KCND2: variants seen among roughly 807,000 people sequenced by gnomAD.
The protein encoded by KCND2 is potassium voltage-gated channel subfamily D member 2, also known as A-type voltage-gated potassium channel KCND2.
KCND2 carries 16 observed loss-of-function variants against 54.4 expected under a neutral mutation model. That is an observed-to-expected ratio of 0.29 (90% CI 0.20 to 0.45). The LOEUF is 0.45. KCND2 is among the 20% of genes least tolerant of loss of function. KCND2 has a pLI of 1.00. For synonymous variants in KCND2, 317 were observed against 310.7 expected (o/e 1.02, Z -0.21); for missense variants, 486 against 824.2 (o/e 0.59, Z 5.02).
chr7:120,621,059 G>A (rs1163459091), intron 1 of KCND2, among the ~76,000 whole-genome samples: 1 of 151,928 alleles, frequency 6.6e-6, no homozygotes, highest in African/African-American at 2.4e-5. Context: ...TGGATCACGA[G>A]TTTAGGAGTT....
intron 1 of KCND2, among the ~76,000 whole-genome samples, chr7:120,502,324 G>C (rs964824245): frequency 2.0e-5 from 3 of 151,528 alleles, no homozygotes; most frequent in African/African-American, 7.3e-5. Context: ...TCATCCTTTT[G>C]TTAACTAAGA....
At chr7:120,475,404 A>G (rs1802519467) in intron 1 of KCND2, among the ~76,000 whole-genome samples, 2 of 152,202 alleles carry the variant, frequency 1.3e-5, no homozygotes, top group African/African-American at 4.8e-5. Flanking sequence ...ATCTTGCAAA[A>G]TGCTTACCTT....
At chr7:120,553,618 T>C (rs1792127585) in intron 1 of KCND2, among the ~76,000 whole-genome samples, 1 of 152,168 alleles carries the variant, frequency 6.6e-6, no homozygotes, top group South Asian at 2.1e-4. Flanking sequence ...CAGCTGCTGA[T>C]GAGGTTGATA....
At chr7:120,367,330 T>C (rs1272380047) in intron 1 of KCND2, among the ~76,000 whole-genome samples, 1 of 152,124 alleles carries the variant, frequency 6.6e-6, no homozygotes, top group African/African-American at 2.4e-5. Flanking sequence ...TGTTGTGTTC[T>C]GAGAAAAAGT....
intron 1 of KCND2, among the ~76,000 whole-genome samples, chr7:120,419,580 C>T (rs894677706): frequency 7.2e-5 from 11 of 152,086 alleles, no homozygotes; most frequent in African/African-American, 1.4e-4. Flanking sequence ...CATTTTGATT[C>T]ACAATGTGGG....
chr7:120,442,385 A>G (rs1801957610), intron 1 of KCND2, among the ~76,000 whole-genome samples: 1 of 152,092 alleles, frequency 6.6e-6, no homozygotes. Flanking sequence ...GATTATCTTA[A>G]GTTTGTGAAT....
rs1162646722 is a variant in KCND2, at chr7:120,273,497, G to A, written c.-1136G>A. The stretch of plus-strand genomic sequence containing the variant: ...GGCCCCGCAGTAAGTTGGCAGGAGC[G>A]AGTCCCCTCCGTTCTCGCCTCCCCC... On this transcript the variant is annotated 5_prime_UTR_variant, in exon 1 of 6. Coordinates refer to ENST00000331113, the MANE Select transcript of KCND2 (RefSeq NM_012281.3). 6.6e-6 allele frequency among the ~76,000 whole-genome samples: 1 copy of A among 151,546 alleles called. No individual in the cohort carries two copies. The highest frequency in any genetic ancestry group is 1.5e-5 in the Non-Finnish European group (1 of 67,844).
chr7:120,718,697 A>G (rs1487088392), intron 1 of KCND2, among the ~76,000 whole-genome samples: 1 of 152,162 alleles, frequency 6.6e-6, no homozygotes, highest in Non-Finnish European at 1.5e-5. Context: ...TACAGCACTT[A>G]AAAAAATAAT....
chr7:120,365,048 A>T (rs1800647129), intron 1 of KCND2, among the ~76,000 whole-genome samples: 1 of 152,068 alleles, frequency 6.6e-6, no homozygotes, highest in South Asian at 2.1e-4. Context: ...CATGCATTTA[A>T]AGACATTAAT....
chr7:120,644,272 A>G (rs1045750000), intron 1 of KCND2, among the ~76,000 whole-genome samples: 2 of 152,034 alleles, frequency 1.3e-5, no homozygotes, highest in Admixed American at 6.6e-5. Flanking sequence ...CCTGTTTTCA[A>G]CTCTCCTGGA....
chr7:120,503,811 C>T (rs530846955), intron 1 of KCND2, among the ~76,000 whole-genome samples: 21 of 151,938 alleles, frequency 1.4e-4, no homozygotes, highest in African/African-American at 4.3e-4. Context: ...AGTCACTTTA[C>T]GCAATAGAAT....
At chr7:120,378,424 A>T (rs981863593) in intron 1 of KCND2, among the ~76,000 whole-genome samples, 1 of 151,946 alleles carries the variant, frequency 6.6e-6, no homozygotes, top group South Asian at 2.1e-4. Context: ...ACCCAAACTC[A>T]GGTGGAAGTT....
At chr7:120,652,023 C>T (rs774572436) in intron 1 of KCND2, among the ~76,000 whole-genome samples, 3 of 152,060 alleles carry the variant, frequency 2.0e-5, no homozygotes, top group Admixed American at 2.0e-4. Flanking sequence ...TCTCTGCCTT[C>T]CAAATGAACC....
intron 1 of KCND2, among the ~76,000 whole-genome samples, chr7:120,279,609 C>T (rs1014010590): frequency 5.9e-5 from 9 of 151,724 alleles, no homozygotes; most frequent in South Asian, 2.1e-4. Flanking sequence ...AAAACAAATA[C>T]GGTGGCGTTA....
intron 1 of KCND2, among the ~76,000 whole-genome samples, chr7:120,595,555 GTA>G (rs1268641429): frequency 3.0e-5 from 4 of 133,968 alleles, no homozygotes; most frequent in Admixed American, 1.6e-4. Flanking sequence ...ATGTGTGTGT[GTA>G]TATATATGTG....
intron 1 of KCND2, among the ~76,000 whole-genome samples, chr7:120,728,684 T>A (rs1174424609): frequency 3.3e-5 from 5 of 152,024 alleles, no homozygotes; most frequent in South Asian, 4.1e-4. Context: ...ACAGAAAAAA[T>A]ATATATATGA....
chr7:120,399,226 A>G (rs940740310), intron 1 of KCND2, among the ~76,000 whole-genome samples: 2 of 151,824 alleles, frequency 1.3e-5, no homozygotes, highest in African/African-American at 2.4e-5. Flanking sequence ...AATGATTGGT[A>G]GTTGTAACAG....
At chr7:120,483,030 A>G (rs1360764810) in intron 1 of KCND2, among the ~76,000 whole-genome samples, 1 of 152,184 alleles carries the variant, frequency 6.6e-6, no homozygotes, top group Non-Finnish European at 1.5e-5. Context: ...AAACTTCACA[A>G]AATTTCTAAA....
At chr7:120,674,296 A>T (rs879404090) in intron 1 of KCND2, among the ~76,000 whole-genome samples, 13 of 152,116 alleles carry the variant, frequency 8.5e-5, no homozygotes, top group African/African-American at 3.1e-4. Context: ...GGCTAGCCTG[A>T]TCTAGGCGCT....
Sources: allele counts gnomAD v4.1 joint callset (sites outside exome capture counted in the v4.1 genomes callset), GRCh38; gene constraint gnomAD v4.1.1; transcripts MANE v1.5; gene names NCBI Gene and HGNC (gene_info 2026-07-23, HGNC 2026-07-21).